Variants in MKKS observed in about 807,000 individuals in gnomAD.
MKKS encodes the protein MKKS centrosomal shuttling protein.
Under a neutral mutation model 33.2 loss-of-function variants are expected in MKKS, and 29 were observed. The ratio of observed to expected loss-of-function variants is 0.87; its 90% CI spans 0.65 to 1.19. MKKS has a LOEUF of 1.19. MKKS is among the 50% of genes most tolerant of loss of function. The pLI is 0.00. For missense variants in MKKS, 661 were observed against 662.3 expected (o/e 1.00, Z 0.02); for synonymous variants, 260 against 244.0 (o/e 1.07, Z -0.61).
intron 1 of MKKS, among the ~76,000 whole-genome samples, chr20:10,433,465 C>T (rs957740357): frequency 1.3e-5 from 2 of 152,136 alleles, no homozygotes; most frequent in Non-Finnish European, 2.9e-5. Flanking sequence ...GCTGTAGACA[C>T]GTGTATATCT....
At chr20:10,427,029 G>GACACAGAC (rs1555803049) in intron 1 of MKKS, among the ~76,000 whole-genome samples, 1 of 130,724 alleles carries the variant, frequency 7.6e-6, no homozygotes, top group South Asian at 2.6e-4. Flanking sequence ...AGAAAACACT[G>GACACAGAC]ACACACACAC....
At chr20:10,431,171 G>C (rs767815923) in intron 1 of MKKS, among the ~76,000 whole-genome samples, 9 of 152,036 alleles carry the variant, frequency 5.9e-5, no homozygotes, top group Non-Finnish European at 1.2e-4. Flanking sequence ...TATAAAAATA[G>C]GCACCCCTGG....
chr20:10,409,382 C>T (rs1367890562), intron 3 of MKKS, among the ~76,000 whole-genome samples: 2 of 151,998 alleles, frequency 1.3e-5, no homozygotes, highest in African/African-American at 4.8e-5. Flanking sequence ...TATTTCACTG[C>T]TATTATTTGA....
chr20:10,405,766 C>G, intron 5 of MKKS, 79 bp from the exon 6 acceptor site: 1 of 1,267,364 alleles, frequency 7.9e-7, no homozygotes, highest in South Asian at 1.3e-5. Flanking sequence ...ATACTGAAAT[C>G]AAAATCTTAT....
At chr20:10,416,102 A>C (rs757380317) in intron 2 of MKKS, among the ~76,000 whole-genome samples, 4 of 152,208 alleles carry the variant, frequency 2.6e-5, no homozygotes, top group Non-Finnish European at 5.9e-5. Context: ...AAGAGTTACC[A>C]TTAGACGAAT....
At position 10,413,244 on chromosome 20, in the gene MKKS, A is replaced by C; in HGVS notation, c.271T>G (p.Cys91Gly). The change falls in exon 3 of 6, where the codon TGT (cysteine) becomes GGT (glycine). Residue 91 changes from cysteine to glycine, a missense_variant. By Grantham distance (159) the Cys-to-Gly change is radical. Coordinates refer to ENST00000347364, the MANE Select transcript of MKKS (RefSeq NM_170784.3). ...IQNHVSSFSD[C>G]GLFTAILCCN... ...CAAAGAATAGCTGTGAATAAGCCACAATCACTGAAGCTTGACACATGATTC... is the reference window on the plus strand; with the variant it reads ...CAAAGAATAGCTGTGAATAAGCCACCATCACTGAAGCTTGACACATGATTC... 1 of 1,614,240 alleles carries C rather than the reference A, an allele frequency of 6.2e-7. No individual in the cohort carries two copies. The highest frequency in any genetic ancestry group is 8.5e-7 in the Non-Finnish European group (1 of 1,180,036).
At chr20:10,408,888 A>C in intron 3 of MKKS, 85 bp from the exon 4 acceptor site, 1 of 1,017,128 alleles carries the variant, frequency 9.8e-7, no homozygotes, top group African/African-American at 1.6e-5. Context: ...TTCCTAGCCA[A>C]CATAAAAGCC....
chr20:10,410,994 G>GTT (rs371592102), intron 3 of MKKS, among the ~76,000 whole-genome samples: 2 of 144,292 alleles, frequency 1.4e-5, no homozygotes, highest in Non-Finnish European at 3.1e-5. Context: ...AAAATGTTTG[G>GTT]TTTTTTTTTT....
At chr20:10,414,234 C>G (rs1221233019) in intron 2 of MKKS, among the ~76,000 whole-genome samples, 2 of 149,732 alleles carry the variant, frequency 1.3e-5, no homozygotes, top group African/African-American at 4.9e-5. Context: ...AGAAATGCTA[C>G]GATATAAAAC....
At chr20:10,421,118 A>T (rs1456396091) in intron 1 of MKKS, among the ~76,000 whole-genome samples, 3 of 150,688 alleles carry the variant, frequency 2.0e-5, no homozygotes, top group East Asian at 3.9e-4. Flanking sequence ...GCCTTTTTTT[A>T]AATTATATTT....
chr20:10,407,560 C>A, intron 5 of MKKS, 56 bp downstream of exon 5: 1 of 1,504,392 alleles, frequency 6.6e-7, no homozygotes. Flanking sequence ...CTTATTATCT[C>A]AGAAAACAAA....
chr20:10,406,554 C>T (rs929195025), intron 5 of MKKS, among the ~76,000 whole-genome samples: 3 of 152,148 alleles, frequency 2.0e-5, no homozygotes, highest in African/African-American at 7.2e-5. Context: ...TAGGTTTGTG[C>T]AAGTACACTC....
At chr20:10,410,430 G>C (rs2064874970) in intron 3 of MKKS, among the ~76,000 whole-genome samples, 1 of 151,900 alleles carries the variant, frequency 6.6e-6, no homozygotes, top group Non-Finnish European at 1.5e-5. Context: ...CAGGAGTTCA[G>C]GACCAGCCTG....
intron 1 of MKKS, among the ~76,000 whole-genome samples, chr20:10,429,348 C>T (rs562123091): frequency 2.6e-5 from 4 of 152,278 alleles, no homozygotes; most frequent in African/African-American, 9.6e-5. Flanking sequence ...ACCTATTCAT[C>T]CTTATCAAAG....
intron 1 of MKKS, among the ~76,000 whole-genome samples, chr20:10,424,052 G>A (rs1019342985): frequency 2.6e-5 from 4 of 152,180 alleles, no homozygotes; most frequent in Non-Finnish European, 5.9e-5. Context: ...AGAGGCTTGG[G>A]AAATGATTAG....
intron 1 of MKKS, among the ~76,000 whole-genome samples, chr20:10,428,576 C>T (rs1332603297): frequency 2.0e-5 from 3 of 152,154 alleles, no homozygotes; most frequent in South Asian, 2.1e-4. Flanking sequence ...CGGTGGCTCA[C>T]GCCTCTAATT....
In MKKS at chr20:10,413,122, G is replaced by A. The variant is rs751982863; in HGVS notation, c.393C>T (p.Leu131=). The change falls in exon 3 of 6, where the codon CTC becomes CTT. Residue 131 remains leucine, a synonymous_variant. Coordinates refer to ENST00000347364, the MANE Select transcript of MKKS (RefSeq NM_170784.3). ...TTCGACAACCACAGGTCTCAGACTT[G>A]AGATAACTGATGCAAAGACTCAAAA... is the stretch of plus-strand genomic sequence containing the variant. The part of the protein sequence containing the change: ...KHLLSLCISY[L]KSETCGCRIP... 30 of 1,613,924 alleles carry A rather than the reference G, an allele frequency of 1.9e-5. No individual in the cohort carries two copies. Among genetic ancestry groups the A allele is most frequent in the Non-Finnish European group, 2.5e-5 (30 of 1,180,042 alleles).
chr20:10,407,567 C>G, intron 5 of MKKS, 49 bp downstream of exon 5: 1 of 1,534,010 alleles, frequency 6.5e-7, no homozygotes, highest in South Asian at 1.1e-5. Context: ...TCTCAGAAAA[C>G]AAAAGTTGCT....
intron 2 of MKKS, among the ~76,000 whole-genome samples, chr20:10,415,331 T>C (rs1275155574): frequency 6.6e-6 from 1 of 152,196 alleles, no homozygotes; most frequent in Non-Finnish European, 1.5e-5. Context: ...GGCTACAGCA[T>C]AGTATGGTGA....
Sources: allele counts gnomAD v4.1 joint callset (sites outside exome capture counted in the v4.1 genomes callset), GRCh38; gene constraint gnomAD v4.1.1; transcripts MANE v1.5; gene names NCBI Gene and HGNC (gene_info 2026-07-23, HGNC 2026-07-21).